EP300: variants seen among roughly 807,000 people sequenced by gnomAD.
EP300 encodes the protein histone acetyltransferase p300.
Under a neutral mutation model 264.0 loss-of-function variants are expected in EP300, and 31 were observed. The observed-to-expected ratio is 0.12, with a 90% CI of 0.09 to 0.16. The LOEUF (loss-of-function observed/expected upper bound fraction) is 0.16. EP300 is among the 10% of genes least tolerant of loss of function. The probability of loss-of-function intolerance (pLI) is 1.00; values close to 1 mark genes in which losing one functional copy is unlikely to be tolerated. For synonymous variants in EP300, 1,340 were observed against 1,045.4 expected, an observed-to-expected ratio of 1.28 and a Z score of -5.44; for missense variants, 2,766 against 3,052.9, an observed-to-expected ratio of 0.91 and a Z score of 2.21.
intron 1 of EP300, among the ~76,000 whole-genome samples, chr22:41,102,926 T>A (rs997498859): frequency 6.6e-6 from 1 of 152,106 alleles, no homozygotes; most frequent in African/African-American, 2.4e-5. Flanking sequence ...CTCAGCTCAC[T>A]GCAACCTCCG....
intron 16 of EP300, among the ~76,000 whole-genome samples, chr22:41,153,426 A>G (rs943835671): frequency 1.3e-5 from 2 of 152,182 alleles, no homozygotes; most frequent in Non-Finnish European, 2.9e-5. Flanking sequence ...GTGTTTTAAT[A>G]TGGGCTGTAA....
In EP300 at chr22:41,170,552, G is replaced by A. The variant is rs756061989; in HGVS notation, c.4433G>A (p.Arg1478His). Reference protein sequence around the residue: ...KKMLDKAVSERIVHDYKDIFK... With the variant: ...KKMLDKAVSEHIVHDYKDIFK... ...ATGCTTGACAAGGCTGTATCAGAGCGTATTGTCCATGACTACAAGGTCAGT... is the reference window on the plus strand; with the variant it reads ...ATGCTTGACAAGGCTGTATCAGAGCATATTGTCCATGACTACAAGGTCAGT... The change falls in exon 27 of 31, where the codon CGT (arginine) becomes CAT (histidine). Residue 1478 changes from arginine to histidine, a missense_variant. By Grantham distance (29) the Arg-to-His change is conservative. Transcript: ENST00000263253. The A allele has an allele frequency of 4.3e-6, 7 of 1,613,336 alleles. No homozygotes were observed. The highest frequency in any genetic ancestry group is 1.7e-5 in the Admixed American group (1 of 59,942).
intron 1 of EP300, among the ~76,000 whole-genome samples, chr22:41,097,669 T>C (rs1947935938): frequency 6.6e-6 from 1 of 152,226 alleles, no homozygotes; most frequent in Non-Finnish European, 1.5e-5. Flanking sequence ...ATGCTAGTTT[T>C]ATGTTTGTCC....
chr22:41,168,668 A>T (rs1469252489), intron 24 of EP300, 53 bp from the exon 25 acceptor site: 13 of 1,614,104 alleles, frequency 8.1e-6, no homozygotes, highest in Non-Finnish European at 1.1e-5. Flanking sequence ...ACTATTGGTG[A>T]TTCCAGTCTG....
At chr22:41,129,561 A>G (rs141853013) in intron 4 of EP300, among the ~76,000 whole-genome samples, 137 of 152,332 alleles carry the variant, frequency 9.0e-4, no homozygotes, top group African/African-American at 3.1e-3. Context: ...TCTTATAGGC[A>G]TGTGTGTCAT....
intron 12 of EP300, chr22:41,148,812 G>A (rs558323669): frequency 1.7e-5 from 10 of 579,782 alleles, no homozygotes; most frequent in South Asian, 8.2e-5. Flanking sequence ...ACTATTTCTT[G>A]GAGTAGGCCT....
chr22:41,132,697 A>G (rs1442530648), intron 6 of EP300, among the ~76,000 whole-genome samples: 2 of 152,150 alleles, frequency 1.3e-5, no homozygotes, highest in African/African-American at 4.8e-5. Flanking sequence ...ACATATAGAA[A>G]TGAGTGTAGT....
chr22:41,163,352 G>A (rs921720703), intron 21 of EP300, among the ~76,000 whole-genome samples: 30 of 145,976 alleles, frequency 2.1e-4, no homozygotes, highest in African/African-American at 6.6e-4. Flanking sequence ...GGAGAATGGC[G>A]TGAACCTGGG....
intron 1 of EP300, among the ~76,000 whole-genome samples, chr22:41,113,350 C>T (rs1197258704): frequency 6.6e-6 from 1 of 151,644 alleles, no homozygotes; most frequent in South Asian, 2.1e-4. Flanking sequence ...TCTTGAAGTT[C>T]GTCTTTTGTT....
Position 41,109,285 on chromosome 22 carries a change from A to G in EP300, c.95-7902A>G, listed in dbSNP as rs543284699. Among the ~76,000 whole-genome samples, 63 of 152,154 alleles carry G rather than the reference A, an allele frequency of 4.1e-4. 1 individual carries two copies. The highest frequency in any genetic ancestry group is 1.4e-3 in the African/African-American group (60 of 41,538). Reference sequence around the variant, plus strand: ...AAAAAAAAACAAAAAAAAACGGAAAACATAAGACAGCAATCAAATACAATA... The same window carrying G: ...AAAAAAAAACAAAAAAAAACGGAAAGCATAAGACAGCAATCAAATACAATA... On this transcript the variant is annotated intron_variant, in intron 1 of 30. Coordinates refer to ENST00000263253, the MANE Select transcript of EP300 (RefSeq NM_001429.4).
chr22:41,133,855 G>C (rs1189811782), intron 6 of EP300, among the ~76,000 whole-genome samples: 1 of 152,156 alleles, frequency 6.6e-6, no homozygotes, highest in Non-Finnish European at 1.5e-5. Context: ...TAATGCTCCT[G>C]TTTTCAAAAC....
At chr22:41,116,780 G>A (rs2058823886) in intron 1 of EP300, among the ~76,000 whole-genome samples, 1 of 152,120 alleles carries the variant, frequency 6.6e-6, no homozygotes, top group Non-Finnish European at 1.5e-5. Flanking sequence ...TATATATAGG[G>A]CTGTGTGTGG....
At chr22:41,126,729 C>CTTTTTT (rs71328775) in intron 3 of EP300, among the ~76,000 whole-genome samples, 1,106 of 48,826 alleles carry the variant, frequency 0.023, 246 homozygotes, top group Non-Finnish European at 0.027. Flanking sequence ...GAAATGTTCA[C>CTTTTTT]TTTTTTTTTT....
At chr22:41,115,222 G>A (rs1173340528) in intron 1 of EP300, among the ~76,000 whole-genome samples, 1 of 152,128 alleles carries the variant, frequency 6.6e-6, no homozygotes, top group Non-Finnish European at 1.5e-5. Flanking sequence ...CTTCCCCCAG[G>A]GGATGTTTGG....
chr22:41,139,219 G>A (rs918493276), intron 8 of EP300, among the ~76,000 whole-genome samples: 2 of 152,168 alleles, frequency 1.3e-5, no homozygotes. Context: ...CTCCCAAAGG[G>A]CTGGGATTAT....
In EP300 at chr22:41,133,153, C is replaced by CT. The variant is rs1162093270; in HGVS notation, c.1528+1520_1528+1521insT. Among the ~76,000 whole-genome samples, 10 of 37,056 alleles carry CT rather than the reference C, an allele frequency of 2.7e-4. No homozygotes were observed. The South Asian group carries it at 0.014, about 51-fold the overall frequency. The allele number at this position is 37,056 out of a possible 152,430, so 24.3% of individuals were successfully genotyped here. On this transcript the variant is annotated intron_variant, in intron 6 of 30. Coordinates refer to ENST00000263253, the MANE Select transcript of EP300 (RefSeq NM_001429.4). ...GCCACCGCACCTGGCCTAAGATTAT[C>CT]CCCCCCCCCACCCCCACCCCGGAAA...
chr22:41,157,483 A>T, intron 18 of EP300, 75 bp downstream of exon 18: 3 of 1,166,344 alleles, frequency 2.6e-6, no homozygotes, highest in Non-Finnish European at 3.8e-6. Context: ...CTGGGATAAG[A>T]GAATATCCTG....
intron 2 of EP300, among the ~76,000 whole-genome samples, chr22:41,119,589 T>G (rs2058841164): frequency 6.6e-6 from 1 of 152,072 alleles, no homozygotes; most frequent in African/African-American, 2.4e-5. Flanking sequence ...GCACATAAGA[T>G]ATAAATTTTA....
At chr22:41,112,460 A>G (rs2058797833) in intron 1 of EP300, among the ~76,000 whole-genome samples, 1 of 152,100 alleles carries the variant, frequency 6.6e-6, no homozygotes, top group Admixed American at 6.6e-5. Context: ...TGGCCTCCCA[A>G]AGTGCTGGGA....
Sources: allele counts gnomAD v4.1 joint callset (sites outside exome capture counted in the v4.1 genomes callset), GRCh38; gene constraint gnomAD v4.1.1; transcripts MANE v1.5; gene names NCBI Gene and HGNC (gene_info 2026-07-23, HGNC 2026-07-21).